DDHD2: variants seen among roughly 807,000 people sequenced by gnomAD.
DDHD2 encodes the protein triacylglycerol hydrolase DDHD2.
DDHD2 carries 62 observed loss-of-function variants against 91.2 expected under a neutral mutation model. The ratio of observed to expected loss-of-function variants is 0.68; its 90% CI spans 0.55 to 0.84. DDHD2 has a LOEUF of 0.84. Ranked by LOEUF, DDHD2 falls within the 40% of genes least tolerant of loss-of-function variation. The probability of loss-of-function intolerance (pLI) is 0.00; values close to 1 mark genes in which losing one functional copy is unlikely to be tolerated. For missense variants in DDHD2, 740 were observed against 846.9 expected, an observed-to-expected ratio of 0.87 and a Z score of 1.57; for synonymous variants, 271 against 293.9, an observed-to-expected ratio of 0.92 and a Z score of 0.80.
At chr8:38,272,949 G>A (rs1808517824), downstream of DDHD2, 1 of 152,154 alleles carries the variant, frequency 6.6e-6, no homozygotes, top group African/African-American at 2.4e-5. Context: ...GGAGGTGTGA[G>A]GAGAACTCCT....
chr8:38,244,630 A>G (rs1258906308), intron 7 of DDHD2, among the ~76,000 whole-genome samples: 3 of 146,644 alleles, frequency 2.0e-5, no homozygotes, highest in Non-Finnish European at 4.5e-5. Context: ...CAATGGCACA[A>G]TTTCGGCTCA....
In DDHD2 at chr8:38,240,384, G is replaced by T; in HGVS notation, c.712+20G>T. On this transcript the variant is annotated intron_variant, in intron 6 of 17. Transcript: ENST00000397166. Reference sequence around the variant, plus strand: ...AGTGTGGTAGGTTTGCAAAGCATGTGAGAGAATATTAATCAGTGCTCTTGT... The same window carrying T: ...AGTGTGGTAGGTTTGCAAAGCATGTTAGAGAATATTAATCAGTGCTCTTGT... 2 of 1,545,160 alleles carry T rather than the reference G, an allele frequency of 1.3e-6. No individual in the cohort carries two copies. Among genetic ancestry groups the T allele is most frequent in the South Asian group, 2.3e-5 (2 of 86,830 alleles).
At chr8:38,264,999 T>G (rs1286039601), downstream of DDHD2, 2 of 1,303,634 alleles carry the variant, frequency 1.5e-6, no homozygotes, top group African/African-American at 2.9e-5. Flanking sequence ...CCGGGCACGG[T>G]GACTCACGCC....
intron 7 of DDHD2, among the ~76,000 whole-genome samples, chr8:38,245,002 C>G (rs1290004161): frequency 6.6e-6 from 1 of 150,744 alleles, no homozygotes; most frequent in African/African-American, 2.4e-5. Flanking sequence ...ATATTTTATA[C>G]ATATTTTTAT....
chr8:38,268,715 T>G, intron 1 of DDHD2: 1 of 1,432,464 alleles, frequency 7.0e-7, no homozygotes, highest in Non-Finnish European at 9.1e-7. Context: ...CACCCTCCTC[T>G]CTCAATCAGG....
rs144158068 is a variant in DDHD2, at chr8:38,255,358, A to C, written c.2054+1640A>C. On this transcript the variant is annotated intron_variant, in intron 16 of 17. Coordinates refer to ENST00000397166, the MANE Select transcript of DDHD2 (RefSeq NM_015214.3). ...AGGGGCTAAAATAATGCTAAGAATGATCTCTGGTGATCTGGCTTGATAGAA... is the reference window on the plus strand; with the variant it reads ...AGGGGCTAAAATAATGCTAAGAATGCTCTCTGGTGATCTGGCTTGATAGAA... The C allele has an allele frequency of 2.2e-3, 1,134 of 507,076 alleles. 2 individuals carry two copies. The highest frequency in any genetic ancestry group is 3.8e-3 in the Non-Finnish European group (962 of 255,342). 31.4% of individuals were successfully genotyped at this position (507,076 alleles called of 1,614,324 possible). A position where few individuals can be genotyped will look rare whatever the true frequency, so the allele number is the denominator to read the frequency against.
rs377158156 is a variant in DDHD2, at chr8:38,243,952, C to T, written c.848+1567C>T. 3.3e-4 allele frequency among the ~76,000 whole-genome samples: 50 copies of T among 151,386 alleles called. 1 individual carries two copies. The East Asian group carries it at 5.5e-3, about 17-fold the overall frequency. ...CCGAGTAGCTGGGATTACAGGCATGCGCCACCATGCCTGGCTAATTTTGTA... is the reference window on the plus strand; with the variant it reads ...CCGAGTAGCTGGGATTACAGGCATGTGCCACCATGCCTGGCTAATTTTGTA... On this transcript the variant is annotated intron_variant, in intron 7 of 17. Coordinates refer to ENST00000397166, the MANE Select transcript of DDHD2 (RefSeq NM_015214.3).
intron 7 of DDHD2, among the ~76,000 whole-genome samples, chr8:38,244,467 T>C (rs1309538604): frequency 2.0e-5 from 3 of 151,060 alleles, no homozygotes; most frequent in South Asian, 4.2e-4. Context: ...TTTCACCATA[T>C]TGGCCAGGCT....
intron 7 of DDHD2, 112 bp from the exon 8 acceptor site, chr8:38,245,630 C>G: frequency 1.0e-6 from 1 of 993,356 alleles, no homozygotes; most frequent in Non-Finnish European, 1.5e-6. Flanking sequence ...TTGTTTTTTC[C>G]TATAAATCGA....
chr8:38,254,374 AATT>A (rs1372188726), intron 16 of DDHD2, among the ~76,000 whole-genome samples: 8 of 152,084 alleles, frequency 5.3e-5, no homozygotes, highest in Middle Eastern at 3.4e-3. Flanking sequence ...TGACAGAATT[AATT>A]ATTATTATTT....
rs539831532 is a variant in DDHD2 at position 38,237,475 on chromosome 8, T to A, written c.412-63T>A. ...ACTCATTAATACATAGTATTCTTGT[T>A]AATAGGTTCAGTTTAATAGGAAAGC... On this transcript the variant is annotated intron_variant, in intron 3 of 17. Coordinates refer to ENST00000397166, the MANE Select transcript of DDHD2 (RefSeq NM_015214.3). 271 of 745,106 alleles carry A rather than the reference T, an allele frequency of 3.6e-4. 8 individuals carry two copies. In the South Asian group the frequency reaches 4.2e-3, roughly 12 times the overall value. 46.2% of individuals were successfully genotyped at this position (745,106 alleles called of 1,614,324 possible).
intron 1 of DDHD2, chr8:38,270,856 C>T (rs1585842523): frequency 6.6e-6 from 1 of 152,218 alleles, no homozygotes. Flanking sequence ...CCCCCTCCCG[C>T]TTCATACATA....
At chr8:38,263,565 G>T (rs1807202787), downstream of DDHD2, 15 of 985,078 alleles carry the variant, frequency 1.5e-5, no homozygotes, top group Non-Finnish European at 1.7e-5. Context: ...TATGCCCACG[G>T]TGTTCAAAAT....
At position 38,249,518 on chromosome 8, in the gene DDHD2, A is replaced by G. The variant is rs555830792; in HGVS notation, c.1249-190A>G. Among the ~76,000 whole-genome samples the G allele has an allele frequency of 3.4e-5, 5 of 147,522 alleles. No homozygotes were observed. In the South Asian group the frequency reaches 1.1e-3, roughly 31 times the overall value. On this transcript the variant is annotated intron_variant, in intron 10 of 17. Transcript: ENST00000397166. ...TTATTGTAACATTGATATTATAAGT[A>G]TTGATATTTTCTATTCTTTTTTAGG... is the stretch of plus-strand genomic sequence containing the variant.
chr8:38,245,943 T>C lies in DDHD2; in HGVS notation c.1050T>C (p.His350=). 5 of 1,612,952 alleles carry C rather than the reference T, an allele frequency of 3.1e-6. No homozygotes were observed. The highest frequency in any genetic ancestry group is 4.2e-6 in the Non-Finnish European group (5 of 1,179,766). ...AAGGGGGTGTATCCATTGCTGGTCA[T>C]AGTTTAGGTAACAAAATGAGTTCTG... is the stretch of plus-strand genomic sequence containing the variant. ...DFKGGVSIAG[H]SLGSLILFDI... Residue 350 remains histidine (H), a synonymous_variant, in exon 8 of 18, where the codon CAT becomes CAC. Transcript: ENST00000397166.
intron 3 of DDHD2, 38 bp from the exon 4 acceptor site, chr8:38,237,500 C>A: frequency 9.9e-7 from 1 of 1,008,420 alleles, no homozygotes; most frequent in Non-Finnish European, 1.5e-6. Context: ...AATAGGAAAG[C>A]TACTAGAGAA....
chr8:38,246,526 GTTATC>G (rs1805648344), intron 9 of DDHD2, among the ~76,000 whole-genome samples: 1 of 152,156 alleles, frequency 6.6e-6, no homozygotes, highest in African/African-American at 2.4e-5. Flanking sequence ...CTAAACCATA[GTTATC>G]TTATTTTCTT....
chr8:38,268,072 C>G, intron 1 of DDHD2: 1 of 1,542,654 alleles, frequency 6.5e-7, no homozygotes, highest in Non-Finnish European at 8.7e-7. Flanking sequence ...TCCAACCAGG[C>G]CTGGGCACAA....
In DDHD2 at chr8:38,249,766, A is replaced by G; in HGVS notation, c.1307A>G (p.Lys436Arg). The change falls in exon 11 of 18, where the codon AAG becomes AGG. Residue 436 changes from lysine to arginine, a missense_variant. Physicochemically the swap from Lys to Arg is conservative, Grantham distance 26. Around this residue, in one of 2 missense-constraint regions of DDHD2, gnomAD observed 693 missense variants for 764.2 expected, o/e 0.91. Transcript: ENST00000397166. Reference protein sequence around the residue: ...EIGIPLGPRKKILNYFSTRKN... With the variant: ...EIGIPLGPRKRILNYFSTRKN... ...GGAATTCCTTTAGGACCAAGAAAGA[A>G]GATATTAAACTATTTCAGCACCAGA... 1 of 1,612,378 alleles carries G rather than the reference A, an allele frequency of 6.2e-7. No individual in the cohort carries two copies. Among genetic ancestry groups the G allele is most frequent in the Non-Finnish European group, 8.5e-7 (1 of 1,178,812 alleles).
Sources: gnomAD v4.1 joint callset for allele counts (sites outside exome capture counted in the v4.1 genomes callset) on GRCh38, gnomAD v4.1.1 for gene constraint, gnomAD v4.1.1 regional missense constraint, MANE v1.5 for transcripts, NCBI Gene and HGNC (gene_info 2026-07-23, HGNC 2026-07-21) for gene names.